SH3RF3: variants seen among roughly 807,000 people sequenced by gnomAD.
The protein encoded by SH3RF3 is E3 ubiquitin-protein ligase SH3RF3.
Under a neutral mutation model 66.3 loss-of-function variants are expected in SH3RF3, and 29 were observed. That is an observed-to-expected ratio of 0.44 (90% CI 0.33 to 0.60). The LOEUF (loss-of-function observed/expected upper bound fraction) is 0.60. Among genes scored for constraint, SH3RF3 ranks in the 20% least tolerant of loss-of-function variants. The pLI, the probability that SH3RF3 is intolerant of heterozygous loss-of-function variation, is 0.04. For missense variants in SH3RF3, 1,194 were observed against 1,190.9 expected (o/e 1.00, Z -0.04); for synonymous variants, 583 against 532.0 (o/e 1.10, Z -1.32).
Position 109,141,267 on chromosome 2 carries a change from C to T in SH3RF3, c.573+11154C>T, listed in dbSNP as rs373387709. Among the ~76,000 whole-genome samples the T allele has an allele frequency of 5.9e-5, 9 of 152,214 alleles. No homozygotes were observed. In the East Asian group the frequency reaches 7.7e-4, roughly 13 times the overall value. ...TCACTCTTCCCCTCTGTGGGCCGTG[C>T]GCATTCCTGGCAACCAGTGCTCTGT... On this transcript the variant is annotated intron_variant, in intron 1 of 9. Transcript: ENST00000309415.
At chr2:109,355,814 G>A (rs1174362765) in intron 2 of SH3RF3, among the ~76,000 whole-genome samples, 4 of 152,172 alleles carry the variant, frequency 2.6e-5, no homozygotes, top group Non-Finnish European at 5.9e-5. Flanking sequence ...GTTTTGAGGA[G>A]GGGTATTTCT....
intron 8 of SH3RF3, among the ~76,000 whole-genome samples, chr2:109,458,677 G>T (rs1313198900): frequency 6.6e-6 from 1 of 152,080 alleles, no homozygotes; most frequent in East Asian, 1.9e-4. Context: ...CAGCAGGCTG[G>T]ACCCTCAGTC....
At chr2:109,431,973 G>A (rs778555911) in intron 5 of SH3RF3, among the ~76,000 whole-genome samples, 9 of 152,190 alleles carry the variant, frequency 5.9e-5, no homozygotes, top group Admixed American at 3.9e-4. Context: ...AAGGGCCTCT[G>A]AGGTCTCTTC....
chr2:109,394,714 G>A (rs995720288), intron 3 of SH3RF3, among the ~76,000 whole-genome samples: 3 of 152,242 alleles, frequency 2.0e-5, no homozygotes, highest in Non-Finnish European at 4.4e-5. Context: ...GACGCCACAT[G>A]CAGATAGAGC....
chr2:109,306,121 A>G (rs891637297), intron 1 of SH3RF3, among the ~76,000 whole-genome samples: 6 of 152,226 alleles, frequency 3.9e-5, no homozygotes, highest in African/African-American at 1.2e-4. Context: ...GTTTCATTCA[A>G]CATCAGCAGG....
intron 1 of SH3RF3, among the ~76,000 whole-genome samples, chr2:109,193,732 A>G (rs542864417): frequency 9.9e-5 from 15 of 152,278 alleles, no homozygotes; most frequent in African/African-American, 3.1e-4. Context: ...CTGACCCCAA[A>G]TCATTATTTT....
chr2:109,357,640 G>C (rs1464474240), intron 2 of SH3RF3, among the ~76,000 whole-genome samples: 1 of 152,118 alleles, frequency 6.6e-6, no homozygotes, highest in Non-Finnish European at 1.5e-5. Context: ...ATTTATTTTT[G>C]TGTCCAACTT....
chr2:109,255,432 TG>T (rs1312440489), intron 1 of SH3RF3, among the ~76,000 whole-genome samples: 2 of 152,200 alleles, frequency 1.3e-5, no homozygotes, highest in Non-Finnish European at 2.9e-5. Context: ...TATGAAGGTC[TG>T]TGGGGTTGTG....
rs72822641 is a variant in SH3RF3, at chr2:109,138,990, G to T, written c.573+8877G>T. 3.2e-3 allele frequency among the ~76,000 whole-genome samples: 482 copies of T among 152,328 alleles called. 10 individuals carry two copies. Among genetic ancestry groups the T allele is most frequent in the Non-Finnish European group, 1.2e-3 (82 of 68,028 alleles). On this transcript the variant is annotated intron_variant, in intron 1 of 9. Coordinates refer to ENST00000309415, the MANE Select transcript of SH3RF3 (RefSeq NM_001099289.3). ...GACATGTGGTAATAAGAGACATGAA[G>T]ACAAGGGGCCACAGCCTGATGATGG...
chr2:109,239,581 G>T (rs1214208851), intron 1 of SH3RF3, among the ~76,000 whole-genome samples: 5 of 152,216 alleles, frequency 3.3e-5, no homozygotes, highest in African/African-American at 1.2e-4. Flanking sequence ...ACCATTGTTT[G>T]CACACACGAG....
chr2:109,475,395 C>G (rs1242104418), intron 8 of SH3RF3, among the ~76,000 whole-genome samples: 1 of 152,264 alleles, frequency 6.6e-6, no homozygotes, highest in African/African-American at 2.4e-5. Context: ...ACCAGTCCCC[C>G]TGCCTTCCAG....
At chr2:109,252,742 C>T (rs1346432526) in intron 1 of SH3RF3, among the ~76,000 whole-genome samples, 1 of 152,164 alleles carries the variant, frequency 6.6e-6, no homozygotes, top group Non-Finnish European at 1.5e-5. Context: ...TGTAATCAGC[C>T]TACAGTTGGG....
chr2:109,141,139 AC>A (rs533181922), intron 1 of SH3RF3, among the ~76,000 whole-genome samples: 15 of 151,608 alleles, frequency 9.9e-5, no homozygotes, highest in African/African-American at 3.6e-4. Flanking sequence ...ATGCAACCAC[AC>A]CCCCCGGAGC....
intron 1 of SH3RF3, among the ~76,000 whole-genome samples, chr2:109,269,085 C>T (rs893324142): frequency 6.6e-6 from 1 of 152,162 alleles, no homozygotes; most frequent in African/African-American, 2.4e-5. Context: ...GTCCATGGAG[C>T]CACGAGGCAC....
intron 1 of SH3RF3, among the ~76,000 whole-genome samples, chr2:109,192,946 G>T (rs1356747884): frequency 6.6e-6 from 1 of 152,168 alleles, no homozygotes; most frequent in African/African-American, 2.4e-5. Context: ...TAAATTAAGG[G>T]TGTTTTGCAA....
intron 1 of SH3RF3, among the ~76,000 whole-genome samples, chr2:109,221,581 CAAA>C (rs60310731): frequency 6.3e-5 from 4 of 63,332 alleles, no homozygotes; most frequent in African/African-American, 9.1e-5. Flanking sequence ...GACTCCATCT[CAAA>C]AAAAAAAAAA....
At chr2:109,480,791 A>T (rs1158805117) in intron 8 of SH3RF3, among the ~76,000 whole-genome samples, 1 of 152,122 alleles carries the variant, frequency 6.6e-6, no homozygotes, top group Non-Finnish European at 1.5e-5. Context: ...GGGACCTGGG[A>T]CATTATGACC....
At chr2:109,495,521 TCA>T (rs1347665552) in intron 9 of SH3RF3, among the ~76,000 whole-genome samples, 1 of 79,618 alleles carries the variant, frequency 1.3e-5, no homozygotes, top group Non-Finnish European at 2.2e-5. Flanking sequence ...AGACAAAGTC[TCA>T]CTCTGTCTGC....
At chr2:109,238,005 A>G (rs1397791649) in intron 1 of SH3RF3, among the ~76,000 whole-genome samples, 1 of 152,212 alleles carries the variant, frequency 6.6e-6, no homozygotes, top group Non-Finnish European at 1.5e-5. Flanking sequence ...CAGGAGTTCA[A>G]AATCAGCCTG....
Sources: gnomAD v4.1 joint callset for allele counts (sites outside exome capture counted in the v4.1 genomes callset) on GRCh38, gnomAD v4.1.1 for gene constraint, MANE v1.5 for transcripts, NCBI Gene and HGNC (gene_info 2026-07-23, HGNC 2026-07-21) for gene names.